PNMA6F: variants seen among roughly 807,000 people sequenced by gnomAD.
The protein encoded by PNMA6F is PNMA family member 6F, also known as paraneoplastic antigen Ma6F.
For synonymous variants in PNMA6F, 14 were observed against 3.4 expected (o/e 4.15, Z -3.45); for missense variants, 57 against 10.8 (o/e 5.25, Z -5.98).
chrX:153,318,053 G>A lies in PNMA6F; in HGVS notation c.*885C>T, dbSNP rs1179019772. The A allele has an allele frequency of 2.6e-5, 3 of 117,169 alleles. No homozygotes were observed. The highest frequency in any genetic ancestry group is 9.8e-5 in the African/African-American group (3 of 30,668). The allele number at this position is 117,169 out of a possible 1,213,427, so 9.7% of individuals were successfully genotyped here. A position where few individuals can be genotyped will look rare whatever the true frequency, so the allele number is the denominator to read the frequency against. ...AACACCCCCCCAAGTCAAGGAAACT[G>A]AGTCACAAGTAACAACAGGAATAGA... On this transcript the variant is annotated 3_prime_UTR_variant, in exon 2 of 2. Coordinates refer to ENST00000436629, the MANE Select transcript of PNMA6F (RefSeq NM_001354980.2).
chrX:153,318,138 G>T lies in PNMA6F; in HGVS notation c.*800C>A. 1 of 118,249 alleles carries T rather than the reference G, an allele frequency of 8.5e-6. No individual in the cohort carries two copies. The allele number at this position is 118,249 out of a possible 1,213,427, so 9.7% of individuals were successfully genotyped here. ...GCAGGGCAGCTCTGCTCTGTCCCAG[G>T]TCCGGTTCTTCCTCACACAGTCATG... On this transcript the variant is annotated 3_prime_UTR_variant, in exon 2 of 2. Coordinates refer to ENST00000436629, the MANE Select transcript of PNMA6F (RefSeq NM_001354980.2).
intron 1 of PNMA6F, 106 bp downstream of exon 1, chrX:153,321,446 C>T (rs1300838196): frequency 2.1e-5 from 2 of 93,187 alleles, no homozygotes; most frequent in African/African-American, 8.0e-5. Context: ...CTCTGCGGGC[C>T]CTGGGCCGGA....
Position 153,319,277 on chromosome X carries a change from G to A in PNMA6F, c.1398C>T (p.Pro466=), listed in dbSNP as rs984571703. 4.0e-5 allele frequency: 12 copies of A among 297,502 alleles called. No homozygotes were observed. Among genetic ancestry groups the A allele is most frequent in the East Asian group, 1.4e-4 (3 of 20,985 alleles). 24.5% of individuals were successfully genotyped at this position (297,502 alleles called of 1,213,427 possible). The part of the protein sequence containing the change: ...PAQGDASEAD[P]GAEDADEAAS... ...CAGCCTCATCAGCATCTTCTGCTCC[G>A]GGATCAGCCTCGCTGGCGTCCCCCT... The change falls in exon 2 of 2, where the codon CCC becomes CCT. Residue 466 remains proline (P), a synonymous_variant. Coordinates refer to ENST00000436629, the MANE Select transcript of PNMA6F (RefSeq NM_001354980.2).
chrX:153,321,239 T>G lies in PNMA6F; in HGVS notation c.-84+313A>C, dbSNP rs954331593. 3.3e-5 allele frequency: 3 copies of G among 91,879 alleles called. No homozygotes were observed. In the South Asian group the frequency reaches 1.8e-3, roughly 56 times the overall value. The allele number at this position is 91,879 out of a possible 1,213,427, so 7.6% of individuals were successfully genotyped here. On this transcript the variant is annotated intron_variant, in intron 1 of 1. Coordinates refer to ENST00000436629, the MANE Select transcript of PNMA6F (RefSeq NM_001354980.2). ...CAGGAGCCCCCTCCCTCTTTTGATC[T>G]TCCTCTTTTGATCTTCCGTGTAACC...
chrX:153,318,374 C>T lies in PNMA6F; in HGVS notation c.*564G>A, dbSNP rs1319195261. The T allele has an allele frequency of 2.5e-5, 3 of 121,386 alleles. No individual in the cohort carries two copies. The highest frequency in any genetic ancestry group is 9.7e-5 in the African/African-American group (3 of 31,047). 10.0% of individuals were successfully genotyped at this position (121,386 alleles called of 1,213,427 possible). The stretch of plus-strand genomic sequence containing the variant: ...CTACACCAGGAAAGCAGAGGTGGTG[C>T]TCACGACAAGGGACAGGTAGCAGCT... On this transcript the variant is annotated 3_prime_UTR_variant, in exon 2 of 2. Transcript: ENST00000436629.
rs1048855116 is a variant in PNMA6F, at chrX:153,318,697, G to A, written c.*241C>T. On this transcript the variant is annotated 3_prime_UTR_variant, in exon 2 of 2. Coordinates refer to ENST00000436629, the MANE Select transcript of PNMA6F (RefSeq NM_001354980.2). ...CCATCTCTCCCAACACAGGACAAGG[G>A]GTGGGGGGCAGACATCTTCAGGCTG... 6.0e-5 allele frequency: 16 copies of A among 266,980 alleles called. No individual in the cohort carries two copies. Among genetic ancestry groups the A allele is most frequent in the Non-Finnish European group, 1.1e-4 (16 of 151,320 alleles). 22.0% of individuals were successfully genotyped at this position (266,980 alleles called of 1,213,427 possible).
rs372289604 is a variant in PNMA6F at position 153,319,559 on chromosome X, C to G, written c.1116G>C (p.Gly372=). Residue 372 remains glycine (G), a synonymous_variant, in exon 2 of 2, where the codon GGG becomes GGC. Coordinates refer to ENST00000436629, the MANE Select transcript of PNMA6F (RefSeq NM_001354980.2). ...EGLLQKAVEK[G]AVHPAMANHL... The stretch of plus-strand genomic sequence containing the variant: ...GGTTGGCCATGGCTGGGTGGACCGC[C>G]CCCTTCTCCACGGCCTTCTGCAGCA... 1.3e-5 allele frequency: 4 copies of G among 297,366 alleles called. No homozygotes were observed. In the East Asian group the frequency reaches 1.4e-4, roughly 11 times the overall value. The allele number at this position is 297,366 out of a possible 1,213,427, so 24.5% of individuals were successfully genotyped here. A position where few individuals can be genotyped will look rare whatever the true frequency, so the allele number is the denominator to read the frequency against.
rs1468288120 is a variant in PNMA6F at position 153,318,366 on chromosome X, AG to A, written c.*571del. On this transcript the variant is annotated 3_prime_UTR_variant, in exon 2 of 2. Transcript: ENST00000436629. The stretch of plus-strand genomic sequence containing the variant: ...GCCTAGATCTACACCAGGAAAGCAG[AG>A]GTGGTGCTCACGACAAGGGACAGGT... The A allele has an allele frequency of 8.2e-6, 1 of 121,554 alleles. No homozygotes were observed. The highest frequency in any genetic ancestry group is 9.3e-5 in the Admixed American group (1 of 10,723). The allele number at this position is 121,554 out of a possible 1,213,427, so 10.0% of individuals were successfully genotyped here.
intron 1 of PNMA6F, chrX:153,321,105 C>T (rs1305979365): frequency 9.3e-6 from 1 of 107,283 alleles, no homozygotes; most frequent in Non-Finnish European, 1.9e-5. Context: ...AGAATCCCTG[C>T]GGCCAGTAGT....
rs1556958500 is a variant in PNMA6F at position 153,318,627 on chromosome X, T to C, written c.*311A>G. The C allele has an allele frequency of 2.2e-5, 4 of 181,680 alleles. No individual in the cohort carries two copies. The highest frequency in any genetic ancestry group is 6.0e-4 in the South Asian group (2 of 3,332). 15.0% of individuals were successfully genotyped at this position (181,680 alleles called of 1,213,427 possible). On this transcript the variant is annotated 3_prime_UTR_variant, in exon 2 of 2. Coordinates refer to ENST00000436629, the MANE Select transcript of PNMA6F (RefSeq NM_001354980.2). Reference sequence around the variant, plus strand: ...AGGGATGGCAAGTGGGGGCCACCTCTTGGGACATGTAGGCAGCTGTCACCC... The same window carrying C: ...AGGGATGGCAAGTGGGGGCCACCTCCTGGGACATGTAGGCAGCTGTCACCC...
chrX:153,318,738 C>T lies in PNMA6F; in HGVS notation c.*200G>A. On this transcript the variant is annotated 3_prime_UTR_variant, in exon 2 of 2. Transcript: ENST00000436629. ...CTTCAGGCTGGCCGCTCAGAGCTCCCTCCAGGCCAGCTCCCCATTTGGTAT... is the reference window on the plus strand; with the variant it reads ...CTTCAGGCTGGCCGCTCAGAGCTCCTTCCAGGCCAGCTCCCCATTTGGTAT... The T allele has an allele frequency of 3.4e-6, 1 of 290,086 alleles. No homozygotes were observed. Among genetic ancestry groups the T allele is most frequent in the Non-Finnish European group, 6.0e-6 (1 of 165,617 alleles). The allele number at this position is 290,086 out of a possible 1,213,427, so 23.9% of individuals were successfully genotyped here.
In PNMA6F at chrX:153,318,947, CG is replaced by C. The variant is rs1569527424; in HGVS notation, c.1727del (p.Pro576ArgfsTer6). The C allele has an allele frequency of 3.0e-5, 9 of 299,118 alleles. No homozygotes were observed. The highest frequency in any genetic ancestry group is 9.5e-5 in the East Asian group (2 of 21,016). 24.7% of individuals were successfully genotyped at this position (299,118 alleles called of 1,213,427 possible). ...AGEAGKPKSP[P>X]GK ...TCAGGGCCCTCAGAGCCTATTTGCC[CG>C]GGGGGGACTTGGGCTTGCCCGCCTC... On this transcript the variant is annotated frameshift_variant, in exon 2 of 2. Coordinates refer to ENST00000436629, the MANE Select transcript of PNMA6F (RefSeq NM_001354980.2). LOFTEE classifies it high-confidence loss of function.
At position 153,319,190 on chromosome X, in the gene PNMA6F, A is replaced by G. The variant is rs1311224537; in HGVS notation, c.1485T>C (p.Pro495=). The G allele has an allele frequency of 4.4e-5, 13 of 297,690 alleles. No individual in the cohort carries two copies. The highest frequency in any genetic ancestry group is 7.6e-5 in the Non-Finnish European group (13 of 170,408). The allele number at this position is 297,690 out of a possible 1,213,427, so 24.5% of individuals were successfully genotyped here. ...CCTGACCTAGGCCTTCAAGGCCTGC[A>G]GGGGCATTTTCATCTTCCCCAGTGG... ...APATGEDENA[P]AGLEGLGQGR... is the part of the protein sequence containing the mutation. Residue 495 remains proline, a synonymous_variant, in exon 2 of 2, where the codon CCT becomes CCC. Coordinates refer to ENST00000436629, the MANE Select transcript of PNMA6F (RefSeq NM_001354980.2).
In PNMA6F at chrX:153,319,023, A is replaced by C; in HGVS notation, c.1652T>G (p.Leu551Arg). The stretch of plus-strand genomic sequence containing the variant: ...TTCTGACTCCTCTAAGATGGGCTTG[A>C]GCCCCTCCTGGGGAGGCTCCTCAGC... ...QEAEEPPQEGLKPILEESENE... is the reference protein window; with the variant it reads ...QEAEEPPQEGRKPILEESENE... Residue 551 changes from leucine to arginine, a missense_variant, in exon 2 of 2, where the codon CTC becomes CGC. Transcript: ENST00000436629. 3.2e-6 allele frequency: 1 copy of C among 310,233 alleles called. No individual in the cohort carries two copies. Among genetic ancestry groups the C allele is most frequent in the African/African-American group, 2.7e-5 (1 of 37,196 alleles). The allele number at this position is 310,233 out of a possible 1,213,427, so 25.6% of individuals were successfully genotyped here. A position where few individuals can be genotyped will look rare whatever the true frequency, so the allele number is the denominator to read the frequency against.
Position 153,319,557 on chromosome X carries a change from G to A in PNMA6F, c.1118C>T (p.Ala373Val), listed in dbSNP as rs782279324. ...GTGGTTGGCCATGGCTGGGTGGACC[G>A]CCCCCTTCTCCACGGCCTTCTGCAG... ...GLLQKAVEKG[A>V]VHPAMANHLR... Residue 373 changes from alanine to valine, a missense_variant, in exon 2 of 2, where the codon GCG (alanine) becomes GTG (valine). Coordinates refer to ENST00000436629, the MANE Select transcript of PNMA6F (RefSeq NM_001354980.2). 2.5e-3 allele frequency: 748 copies of A among 297,200 alleles called. No homozygotes were observed. Among genetic ancestry groups the A allele is most frequent in the Non-Finnish European group, 4.1e-3 (691 of 170,300 alleles). The allele number at this position is 297,200 out of a possible 1,213,427, so 24.5% of individuals were successfully genotyped here.
In PNMA6F at chrX:153,321,633, A is replaced by G. The variant is rs2088369976; in HGVS notation, c.-165T>C. On this transcript the variant is annotated 5_prime_UTR_variant, in exon 1 of 2. Coordinates refer to ENST00000436629, the MANE Select transcript of PNMA6F (RefSeq NM_001354980.2). Reference sequence around the variant, plus strand: ...GTGGAGCCCACTCTGGAGGCCACCTAGAGGCCCTGGAGCAGGAGGGTGGAA... The same window carrying G: ...GTGGAGCCCACTCTGGAGGCCACCTGGAGGCCCTGGAGCAGGAGGGTGGAA... 2.8e-5 allele frequency: 3 copies of G among 107,617 alleles called. No homozygotes were observed. The highest frequency in any genetic ancestry group is 5.8e-5 in the Non-Finnish European group (3 of 51,911). The allele number at this position is 107,617 out of a possible 1,213,427, so 8.9% of individuals were successfully genotyped here.
In PNMA6F at chrX:153,320,558, C is replaced by G. The variant is rs1219808405; in HGVS notation, c.117G>C (p.Leu39=). Residue 39 remains leucine (L), a synonymous_variant, in exon 2 of 2, where the codon CTG becomes CTC. Transcript: ENST00000436629. ...HEFQEAVRAA[L]SPLGRYRVLI... The stretch of plus-strand genomic sequence containing the variant: ...GCACTCGGTACCTGCCCAGGGGCGA[C>G]AGGGCAGCCCGCACGGCCTCCTGGA... 3.4e-6 allele frequency: 1 copy of G among 295,498 alleles called. No individual in the cohort carries two copies. The highest frequency in any genetic ancestry group is 5.9e-6 in the Non-Finnish European group (1 of 169,966). 24.4% of individuals were successfully genotyped at this position (295,498 alleles called of 1,213,427 possible).
In PNMA6F at chrX:153,321,593, C is replaced by A. The variant is rs1210011892; in HGVS notation, c.-125G>T. The A allele has an allele frequency of 3.7e-5, 4 of 106,912 alleles. No homozygotes were observed. The highest frequency in any genetic ancestry group is 1.4e-4 in the African/African-American group (4 of 29,123). The allele number at this position is 106,912 out of a possible 1,213,427, so 8.8% of individuals were successfully genotyped here. On this transcript the variant is annotated 5_prime_UTR_variant, in exon 1 of 2. Coordinates refer to ENST00000436629, the MANE Select transcript of PNMA6F (RefSeq NM_001354980.2). ...GACGCTGCGACCACCCGCGGAAAAA[C>A]GCCGCCTTCAAGCTGTGGAGCCCAC...
At position 153,319,939 on chromosome X, in the gene PNMA6F, T is replaced by G. The variant is rs1455569956; in HGVS notation, c.736A>C (p.Lys246Gln). Residue 246 changes from lysine to glutamine, a missense_variant, in exon 2 of 2, where the codon AAA becomes CAA. Transcript: ENST00000436629. ...SWRQTLRPLV[K>Q]TMAYRELRPF... The stretch of plus-strand genomic sequence containing the variant: ...CTCAGTTCCCGGTAGGCCATAGTTT[T>G]CACCAGAGGCCGCAGGGTCTGGCGC... The G allele has an allele frequency of 2.0e-5, 6 of 303,554 alleles. No individual in the cohort carries two copies. The highest frequency in any genetic ancestry group is 3.4e-5 in the Non-Finnish European group (6 of 174,888). The allele number at this position is 303,554 out of a possible 1,213,427, so 25.0% of individuals were successfully genotyped here.
Sources: allele counts gnomAD v4.1 joint callset, GRCh38; gene constraint gnomAD v4.1.1; transcripts MANE v1.5; gene names NCBI Gene and HGNC (gene_info 2026-07-23, HGNC 2026-07-21).